COL28A1: variants seen among roughly 807,000 people sequenced by gnomAD.
COL28A1 encodes the protein collagen type XXVIII alpha 1 chain.
A neutral mutation model predicts 150.2 loss-of-function variants in COL28A1; 161 were observed. That is an observed-to-expected ratio of 1.07 (90% CI 0.94 to 1.22). COL28A1 has a LOEUF of 1.22. Among genes scored for constraint, COL28A1 ranks in the 50% most tolerant of loss-of-function variants. COL28A1 has a pLI of 0.00. For synonymous variants in COL28A1, 552 were observed against 469.7 expected (o/e 1.18, Z -2.26); for missense variants, 1,617 against 1,388.3 (o/e 1.16, Z -2.62).
Position 7,390,638 on chromosome 7 carries a change from G to A in COL28A1, c.2137-9026C>T, listed in dbSNP as rs561977252. Among the ~76,000 whole-genome samples the A allele has an allele frequency of 6.2e-4, 94 of 152,110 alleles. 1 individual carries two copies. The highest frequency in any genetic ancestry group is 2.2e-3 in the African/African-American group (90 of 41,492). On this transcript the variant is annotated intron_variant, in intron 27 of 34. Transcript: ENST00000399429. Reference sequence around the variant, plus strand: ...GTCTGGTCTTGGGCTTTTTTTGCTTGGTAGGCTATTAATTACTGCCTCAAT... The same window carrying A: ...GTCTGGTCTTGGGCTTTTTTTGCTTAGTAGGCTATTAATTACTGCCTCAAT...
intron 33 of COL28A1, 85 bp downstream of exon 33, chr7:7,370,640 A>C: frequency 8.9e-7 from 1 of 1,119,810 alleles, no homozygotes; most frequent in Non-Finnish European, 1.3e-6. Context: ...CTGATTCTTG[A>C]CAATGCAGGG....
chr7:7,342,608 T>C, the COL28A1 span, among the ~76,000 whole-genome samples: 2 of 152,034 alleles, frequency 1.3e-5, no homozygotes, highest in South Asian at 2.1e-4. Context: ...TATTCTTGTA[T>C]TGCTTTTCCT....
chr7:7,470,785 A>C (rs1269836402), intron 15 of COL28A1, among the ~76,000 whole-genome samples: 25 of 127,320 alleles, frequency 2.0e-4, no homozygotes, highest in African/African-American at 8.3e-4. Flanking sequence ...GCAGCCATAA[A>C]AAATGATGAG....
chr7:7,497,031 A>G (rs1009008781), intron 11 of COL28A1, among the ~76,000 whole-genome samples: 3 of 144,394 alleles, frequency 2.1e-5, no homozygotes, highest in African/African-American at 7.5e-5. Flanking sequence ...GAAAGAGAGG[A>G]AGGAAGGAAA....
chr7:7,455,405 T>C (rs1787066657), intron 16 of COL28A1, among the ~76,000 whole-genome samples: 1 of 152,228 alleles, frequency 6.6e-6, no homozygotes, highest in African/African-American at 2.4e-5. Context: ...ATACCCAGAT[T>C]TTCCAAAAGT....
rs376548394 is a variant in COL28A1 at position 7,429,492 on chromosome 7, T to C, written c.1998+2981A>G. 1.7e-3 allele frequency among the ~76,000 whole-genome samples: 257 copies of C among 150,590 alleles called. 1 individual carries two copies. The highest frequency in any genetic ancestry group is 5.9e-3 in the African/African-American group (240 of 40,572). On this transcript the variant is annotated intron_variant, in intron 25 of 34. Transcript: ENST00000399429. ...TGTGTGTGGGGGGGGGGATGGTGTG[T>C]GTGTATGCGTGTGTGTTTCCAGAAG...
rs528779950 is a variant in COL28A1 at position 7,505,008 on chromosome 7, G to A, written c.1026+1006C>T. On this transcript the variant is annotated intron_variant, in intron 11 of 34. Transcript: ENST00000399429. ...ACAAGGCCATTTCTTTCCCCAGAGA[G>A]AATTAATCATAGGCAAGAAGTGAAA... 2.6e-5 allele frequency among the ~76,000 whole-genome samples: 4 copies of A among 152,300 alleles called. No homozygotes were observed. The East Asian group carries it at 5.8e-4, about 22-fold the overall frequency.
intron 21 of COL28A1, among the ~76,000 whole-genome samples, chr7:7,438,423 G>A (rs1028912215): frequency 5.3e-5 from 8 of 152,046 alleles, no homozygotes; most frequent in African/African-American, 1.9e-4. Context: ...TTTAGAAGCA[G>A]AGGAATTATC....
At chr7:7,512,214 G>A (rs1459288826) in intron 8 of COL28A1, among the ~76,000 whole-genome samples, 1 of 152,118 alleles carries the variant, frequency 6.6e-6, no homozygotes, top group Non-Finnish European at 1.5e-5. Context: ...GGGGTAATTG[G>A]TGGAAACTTG....
intron 13 of COL28A1, among the ~76,000 whole-genome samples, chr7:7,485,361 C>A (rs989139694): frequency 9.2e-5 from 14 of 152,070 alleles, no homozygotes; most frequent in African/African-American, 3.1e-4. Flanking sequence ...ATTCCCAATA[C>A]AAATCCTTTG....
chr7:7,475,844 A>AT (rs1221589850), intron 14 of COL28A1, among the ~76,000 whole-genome samples: 1 of 152,198 alleles, frequency 6.6e-6, no homozygotes, highest in East Asian at 1.9e-4. Context: ...TGATACTGTG[A>AT]TTAGTCAAAG....
intron 15 of COL28A1, among the ~76,000 whole-genome samples, chr7:7,473,104 G>A (rs1240834827): frequency 6.6e-6 from 1 of 152,182 alleles, no homozygotes; most frequent in Admixed American, 6.5e-5. Context: ...AACTCTTCTA[G>A]ACATTGGTTT....
At chr7:7,517,957 C>A in intron 6 of COL28A1, 120 bp from the exon 7 acceptor site, 1 of 1,286,454 alleles carries the variant, frequency 7.8e-7, no homozygotes. Flanking sequence ...TTTAGTCTTT[C>A]CCGTTGACAT....
chr7:7,537,115 A>AT (rs1203627588), upstream of COL28A1, among the ~76,000 whole-genome samples: 2 of 152,242 alleles, frequency 1.3e-5, no homozygotes, highest in East Asian at 3.8e-4. Context: ...TGAAAGATTG[A>AT]TAAAAACAAG....
At position 7,496,290 on chromosome 7, in the gene COL28A1, A is replaced by G. The variant is rs140654399; in HGVS notation, c.1027-5644T>C. 2.2e-3 allele frequency among the ~76,000 whole-genome samples: 337 copies of G among 152,292 alleles called. 5 individuals are homozygous for G. The highest frequency in any genetic ancestry group is 7.6e-3 in the African/African-American group (317 of 41,550). ...GCTTTGCATTCTCAGTGTTTAGCTC[A>G]TTACTATAATTCACTCAATCATCCA... On this transcript the variant is annotated intron_variant, in intron 11 of 34. Transcript: ENST00000399429.
intron 20 of COL28A1, among the ~76,000 whole-genome samples, chr7:7,442,773 AC>A (rs1785914055): frequency 6.6e-6 from 1 of 152,198 alleles, no homozygotes; most frequent in Admixed American, 6.5e-5. Context: ...GCGGTGGCTC[AC>A]ACCCATAATC....
chr7:7,515,367 C>T (rs1781362273), intron 8 of COL28A1, among the ~76,000 whole-genome samples: 1 of 152,200 alleles, frequency 6.6e-6, no homozygotes, highest in Non-Finnish European at 1.5e-5. Context: ...AATTGGCTGA[C>T]TCAGTGAAGT....
At chr7:7,436,550 T>C (rs901650209) in intron 22 of COL28A1, 87 bp from the exon 23 acceptor site, 1 of 811,114 alleles carries the variant, frequency 1.2e-6, no homozygotes, top group Non-Finnish European at 2.2e-6. Context: ...GGCCACTCTG[T>C]AAAGAGCTTA....
At chr7:7,449,240 G>T (rs917635550) in intron 18 of COL28A1, among the ~76,000 whole-genome samples, 6 of 152,156 alleles carry the variant, frequency 3.9e-5, no homozygotes, top group African/African-American at 1.4e-4. Context: ...AGAATGCAAG[G>T]ATGGTTTGAC....
Sources: gnomAD v4.1 joint callset for allele counts (sites outside exome capture counted in the v4.1 genomes callset) on GRCh38, gnomAD v4.1.1 for gene constraint, MANE v1.5 for transcripts, NCBI Gene and HGNC (gene_info 2026-07-23, HGNC 2026-07-21) for gene names.